The following CELSR2 variants were observed in gnomAD, a reference collection of about 807,000 sequenced individuals.
The protein encoded by CELSR2 is EGF-like protein 2.
A neutral mutation model predicts 251.6 loss-of-function variants in CELSR2; 81 were observed. That is an observed-to-expected ratio of 0.32 (90% CI 0.27 to 0.39). The LOEUF (loss-of-function observed/expected upper bound fraction) is 0.39. CELSR2 is among the 10% of genes least tolerant of loss of function. CELSR2 has a pLI of 1.00. For synonymous variants in CELSR2, 1,721 were observed against 1,670.5 expected (o/e 1.03, Z -0.74); for missense variants, 3,365 against 3,947.7 (o/e 0.85, Z 3.96).
chr1:109,266,745 G>A (rs1228877202), intron 15 of CELSR2, among the ~76,000 whole-genome samples: 1 of 139,380 alleles, frequency 7.2e-6, no homozygotes, highest in Non-Finnish European at 1.5e-5. Flanking sequence ...TTTTGAGACG[G>A]AGTCTCGCTC....
Position 109,263,222 on chromosome 1 carries a change from A to G in CELSR2, c.4789A>G (p.Ser1597Gly), listed in dbSNP as rs752373926. 3.8e-6 allele frequency: 6 copies of G among 1,592,844 alleles called. No homozygotes were observed. In the African/African-American group the frequency reaches 8.0e-5, roughly 21 times the overall value. ...TTGCGTGAACCAGTGGGACGCGTTC[A>G]GCTGCGAGTGCCCCCTGGGCTTTGG... is the stretch of plus-strand genomic sequence containing the variant. ...GTCVNQWDAF[S>G]CECPLGFGGK... The change falls in exon 8 of 34, where the codon AGC (serine) becomes GGC (glycine). Residue 1597 changes from serine (S) to glycine (G), a missense_variant. Physicochemically the swap from Ser to Gly is moderately conservative, Grantham distance 56. Transcript: ENST00000271332.
At position 109,270,062 on chromosome 1, in the gene CELSR2, C is replaced by T. The variant is rs770019741; in HGVS notation, c.7237C>T (p.Arg2413Cys). 1.7e-5 allele frequency: 27 copies of T among 1,614,026 alleles called. No homozygotes were observed. The Middle Eastern group carries it at 4.9e-4, about 29-fold the overall frequency. ...GCGCTCCAACCAACACGGCATCCGA[C>T]GTAACCTGACAGCTGCCCTGGGCCT... ...ILRSNQHGIR[R>C]NLTAALGLAQ... The change falls in exon 23 of 34, where the codon CGT becomes TGT. Residue 2413 changes from arginine (R) to cysteine (C), a missense_variant. Physicochemically the swap from Arg to Cys is radical, Grantham distance 180 (BLOSUM62 -3). This residue lies in a region of CELSR2 where 2,093 missense variants were observed against 2,382.8 expected (regional missense o/e 0.88). Transcript: ENST00000271332.
chr1:109,266,382 G>A, intron 15 of CELSR2, 176 bp downstream of exon 15: 1 of 731,040 alleles, frequency 1.4e-6, no homozygotes, highest in Non-Finnish European at 2.2e-6. Flanking sequence ...TTGCCCAGGT[G>A]TGCCTACATC....
chr1:109,267,867 G>A lies in CELSR2; in HGVS notation c.6125G>A (p.Arg2042Gln), dbSNP rs765806099. 159 of 1,603,288 alleles carry A rather than the reference G, an allele frequency of 9.9e-5. No homozygotes were observed. Among genetic ancestry groups the A allele is most frequent in the Middle Eastern group, 1.6e-4 (1 of 6,062 alleles). The change falls in exon 17 of 34, where the codon CGG becomes CAG. Residue 2042 changes from arginine (R) to glutamine (Q), a missense_variant. Physicochemically the swap from Arg to Gln is conservative, Grantham distance 43 (BLOSUM62 1). This residue lies in a region of CELSR2 where 2,093 missense variants were observed against 2,382.8 expected (regional missense o/e 0.88). Transcript: ENST00000271332. The part of the protein sequence containing the change: ...ELKGFAERLQ[R>Q]NESGLDSGRS... Reference sequence around the variant, plus strand: ...CCTGTCTAGGCTGAGCGGCTACAGCGGAATGAGTCAGGCCTAGACTCAGGG... The same window carrying A: ...CCTGTCTAGGCTGAGCGGCTACAGCAGAATGAGTCAGGCCTAGACTCAGGG...
Position 109,255,811 on chromosome 1 carries a change from G to A in CELSR2, c.3310+2422G>A, listed in dbSNP as rs116763847. ...AGGCAGGGGAGGGTGATATAGAAAG[G>A]AGAGAGCAGTGGGTTGACTGTTGGG... On this transcript the variant is annotated intron_variant, in intron 1 of 33. Coordinates refer to ENST00000271332, the MANE Select transcript of CELSR2 (RefSeq NM_001408.3). Among the ~76,000 whole-genome samples the A allele has an allele frequency of 9.3e-3, 1,413 of 152,346 alleles. 9 individuals carry two copies. The highest frequency in any genetic ancestry group is 0.011 in the Non-Finnish European group (759 of 68,032).
Position 109,264,954 on chromosome 1 carries a change from C to T in CELSR2, c.5551C>T (p.His1851Tyr). 6.2e-7 allele frequency: 1 copy of T among 1,614,202 alleles called. No homozygotes were observed. Among genetic ancestry groups the T allele is most frequent in the South Asian group, 1.1e-5 (1 of 91,086 alleles). Residue 1851 changes from histidine (H) to tyrosine (Y), a missense_variant, in exon 12 of 34, where the codon CAT (histidine) becomes TAT (tyrosine). Coordinates refer to ENST00000271332, the MANE Select transcript of CELSR2 (RefSeq NM_001408.3). Reference sequence around the variant, plus strand: ...GTGTACCCGCAAGCCCAGTGCCCCCCATGGCTATACCTGCGAGTGTCCCCC... The same window carrying T: ...GTGTACCCGCAAGCCCAGTGCCCCCTATGGCTATACCTGCGAGTGTCCCCC... ...SVCTRKPSAP[H>Y]GYTCECPPNY...
At chr1:109,268,342 G>A (rs1656264024) in intron 17 of CELSR2, among the ~76,000 whole-genome samples, 1 of 152,220 alleles carries the variant, frequency 6.6e-6, no homozygotes, top group South Asian at 2.1e-4. Context: ...ATGTGTGTGG[G>A]TCCAGGCACA....
chr1:109,273,696 G>C, intron 33 of CELSR2, 26 bp downstream of exon 33: 12 of 1,387,312 alleles, frequency 8.6e-6, no homozygotes, highest in African/African-American at 1.5e-5. Flanking sequence ...TGGGCGGGAC[G>C]GGGTGCAGCC....
chr1:109,262,559 G>C, intron 6 of CELSR2, 115 bp downstream of exon 6: 1 of 1,440,420 alleles, frequency 6.9e-7, no homozygotes. Context: ...CTTAGCCCCT[G>C]CTCAGCCCTG....
In CELSR2 at chr1:109,268,933, C is replaced by T. The variant is rs780711008; in HGVS notation, c.6556C>T (p.Arg2186Cys). The stretch of plus-strand genomic sequence containing the variant: ...GAACTTTGCTGGGGCCAAGCTGCCC[C>T]GCTACGAGGCCCTGCGTGGGGAGCA... ...KGNFAGAKLP[R>C]YEALRGEQPP... The change falls in exon 19 of 34, where the codon CGC becomes TGC. Residue 2186 changes from arginine (R) to cysteine (C), a missense_variant. Transcript: ENST00000271332. 1.4e-5 allele frequency: 22 copies of T among 1,613,352 alleles called. No individual in the cohort carries two copies. Among genetic ancestry groups the T allele is most frequent in the Admixed American group, 8.3e-5 (5 of 59,978 alleles).
chr1:109,272,810 G>C (rs760552340), intron 30 of CELSR2, 23 bp from the exon 31 acceptor site: 29 of 1,613,164 alleles, frequency 1.8e-5, no homozygotes, highest in Non-Finnish European at 2.4e-5. Context: ...TGGGCTGGCT[G>C]TGATCTCTCC....
In CELSR2 at chr1:109,268,572, C is replaced by T. The variant is rs1656273804; in HGVS notation, c.6319-9C>T. ...GTGAGCACACCCACCGTGACCTTGC[C>T]CACCCCAGAATCTGCTGCGGGTGGG... On this transcript the variant is annotated splice_polypyrimidine_tract_variant and intron_variant, in intron 17 of 33. Coordinates refer to ENST00000271332, the MANE Select transcript of CELSR2 (RefSeq NM_001408.3). The T allele has an allele frequency of 6.2e-7, 1 of 1,600,512 alleles. No individual in the cohort carries two copies. Among genetic ancestry groups the T allele is most frequent in the Non-Finnish European group, 8.5e-7 (1 of 1,171,446 alleles).
At chr1:109,258,339 T>C in intron 1 of CELSR2, 93 bp from the exon 2 acceptor site, 2 of 884,372 alleles carry the variant, frequency 2.3e-6, no homozygotes, top group Non-Finnish European at 3.4e-6. Context: ...CTTATGCCAG[T>C]TGGAAAGGAG....
At chr1:109,262,170 TGTGTGTAC>T in intron 5 of CELSR2, 109 bp from the exon 6 acceptor site, 2 of 1,381,556 alleles carry the variant, frequency 1.4e-6, no homozygotes, top group Non-Finnish European at 2.0e-6. Flanking sequence ...TGTATATGCA[TGTGTGTAC>T]GTGTGTCTGG....
Position 109,251,898 on chromosome 1 carries a change from A to T in CELSR2, c.1819A>T (p.Asn607Tyr). 6.2e-7 allele frequency: 1 copy of T among 1,614,088 alleles called. No homozygotes were observed. The highest frequency in any genetic ancestry group is 8.5e-7 in the Non-Finnish European group (1 of 1,180,024). Residue 607 changes from asparagine to tyrosine, a missense_variant, in exon 1 of 34, where the codon AAT becomes TAT. Physicochemically the swap from Asn to Tyr is moderately radical, Grantham distance 143. Around this residue, in one of 5 missense-constraint regions of CELSR2, gnomAD observed 60 missense variants for 104.8 expected, o/e 0.57. Transcript: ENST00000271332. The surrounding 1 kb of genome is among the most constrained non-coding windows in gnomAD (Gnocchi z 4.9). ...GACTGTCCTGGATGTCAACGACAAC[A>T]ATCCAACCTTTACCCAACCAGAGTA... ...SVTVLDVNDN[N>Y]PTFTQPEYTV... is the part of the protein sequence containing the mutation.
chr1:109,262,788 C>A lies in CELSR2; in HGVS notation c.4545-18C>A. On this transcript the variant is annotated intron_variant, in intron 6 of 33. Coordinates refer to ENST00000271332, the MANE Select transcript of CELSR2 (RefSeq NM_001408.3). ...CTCCCAGCCCTCCCTTGTGCCGCCACCATCTTTGCTCCCCCAGGTCTCTGG... is the reference window on the plus strand; with the variant it reads ...CTCCCAGCCCTCCCTTGTGCCGCCAACATCTTTGCTCCCCCAGGTCTCTGG... 2 of 1,606,144 alleles carry A rather than the reference C, an allele frequency of 1.2e-6. No homozygotes were observed. Among genetic ancestry groups the A allele is most frequent in the Non-Finnish European group, 1.7e-6 (2 of 1,174,688 alleles).
At position 109,264,126 on chromosome 1, in the gene CELSR2, GCCT is replaced by G. The variant is rs1656117027; in HGVS notation, c.5055_5057del (p.Ser1686del). The stretch of plus-strand genomic sequence containing the variant: ...GAGCGTGGAGGGCACAGGGCTTCAG[GCCT>G]CCTCTCTCCGTCTGGAGCCAGGCCG... On this transcript the variant is annotated inframe_deletion, in exon 10 of 34. Transcript: ENST00000271332. The G allele has an allele frequency of 3.7e-6, 6 of 1,603,492 alleles. No individual in the cohort carries two copies. Among genetic ancestry groups the G allele is most frequent in the Non-Finnish European group, 5.1e-6 (6 of 1,172,112 alleles).
chr1:109,265,904 C>T lies in CELSR2; in HGVS notation c.5897C>T (p.Thr1966Ile), dbSNP rs759765547. 1.6e-5 allele frequency: 26 copies of T among 1,612,078 alleles called. No individual in the cohort carries two copies. Among genetic ancestry groups the T allele is most frequent in the Admixed American group, 6.7e-5 (4 of 59,976 alleles). ...RCDNPFAEVT[T>I]NGCEVNYDSC... ...GACAACCCTTTTGCTGAGGTCACCA[C>T]CAATGGCTGTGAAGGTGGGGCTCCT... The change falls in exon 14 of 34, where the codon ACC becomes ATC. Residue 1966 changes from threonine (T) to isoleucine (I), a missense_variant. By Grantham distance (89) the Thr-to-Ile change is moderately conservative. Coordinates refer to ENST00000271332, the MANE Select transcript of CELSR2 (RefSeq NM_001408.3).
In CELSR2 at chr1:109,271,198, G is replaced by A; in HGVS notation, c.7597-19G>A. On this transcript the variant is annotated intron_variant, in intron 25 of 33. Transcript: ENST00000271332. ...TGTTTGTCCCCACTGAGCACCCCATGCCCTCTGCCCCTGCCTAGATGAGTG... is the reference window on the plus strand; with the variant it reads ...TGTTTGTCCCCACTGAGCACCCCATACCCTCTGCCCCTGCCTAGATGAGTG... 6.2e-7 allele frequency: 1 copy of A among 1,611,990 alleles called. No homozygotes were observed. The highest frequency in any genetic ancestry group is 1.3e-5 in the African/African-American group (1 of 74,994).
Sources: allele counts gnomAD v4.1 joint callset (sites outside exome capture counted in the v4.1 genomes callset), GRCh38; gene constraint gnomAD v4.1.1; regional missense constraint gnomAD v4.1.1; non-coding constraint Gnocchi (gnomAD v3.1); transcripts MANE v1.5; gene names NCBI Gene and HGNC (gene_info 2026-07-23, HGNC 2026-07-21).